CNGA3: variants seen among roughly 807,000 people sequenced by gnomAD.
CNGA3 encodes cyclic nucleotide gated channel subunit alpha 3, also known as cyclic nucleotide-gated channel alpha-3.
Under a neutral mutation model 46.6 loss-of-function variants are expected in CNGA3, and 42 were observed. That is an observed-to-expected ratio of 0.90 (90% CI 0.70 to 1.17). The LOEUF (loss-of-function observed/expected upper bound fraction) is 1.17, where lower values mean the gene tolerates loss of function less well. Ranked by LOEUF, CNGA3 falls within the 50% of genes most tolerant of loss-of-function variation. The pLI, the probability that CNGA3 is intolerant of heterozygous loss-of-function variation, is 0.00. For missense variants in CNGA3, 893 were observed against 890.7 expected (o/e 1.00, Z -0.03); for synonymous variants, 394 against 369.4 (o/e 1.07, Z -0.76).
At chr2:98,365,637 CTGTCT>C (rs1692129897) in intron 1 of CNGA3, among the ~76,000 whole-genome samples, 1 of 151,976 alleles carries the variant, frequency 6.6e-6, no homozygotes, top group African/African-American at 2.4e-5. Flanking sequence ...TCTTGTCTGC[CTGTCT>C]TATTTCAGCA....
chr2:98,397,030 C>G lies in CNGA3; in HGVS notation c.1860C>G (p.Gly620=), dbSNP rs529873704. ...TCGATGAGGAGCTGGCCAGGGCGGG[C>G]GCGGACCCCAAGGACCTTGAGGAGA... ...NLIDEELARA[G]ADPKDLEEKV... is the part of the protein sequence containing the mutation. Residue 620 remains glycine, a synonymous_variant, in exon 8 of 8, where the codon GGC becomes GGG. Coordinates refer to ENST00000272602, the MANE Select transcript of CNGA3 (RefSeq NM_001298.3). 1 of 1,613,938 alleles carries G rather than the reference C, an allele frequency of 6.2e-7. No individual in the cohort carries two copies. The highest frequency in any genetic ancestry group is 2.2e-5 in the East Asian group (1 of 44,870).
intron 1 of CNGA3, among the ~76,000 whole-genome samples, chr2:98,369,498 A>G (rs966913809): frequency 6.6e-6 from 1 of 152,176 alleles, no homozygotes; most frequent in South Asian, 2.1e-4. Context: ...CTTTTTTTAC[A>G]TGTTGTCTTA....
intron 1 of CNGA3, among the ~76,000 whole-genome samples, chr2:98,350,020 G>T (rs1344451487): frequency 6.6e-6 from 1 of 152,230 alleles, no homozygotes; most frequent in Non-Finnish European, 1.5e-5. Flanking sequence ...CCTGAACTCG[G>T]CCTGCACCCG....
Position 98,385,321 on chromosome 2 carries a change from G to A in CNGA3, c.449+1880G>A, listed in dbSNP as rs3769744. Among the ~76,000 whole-genome samples the A allele has an allele frequency of 8.6e-4, 131 of 152,342 alleles. 4 individuals are homozygous for A. The East Asian group carries it at 0.024, about 28-fold the overall frequency. On this transcript the variant is annotated intron_variant, in intron 5 of 7. Transcript: ENST00000272602. ...AGAGACCAGGGTTCACATCACCCTG[G>A]AGGACAGAGGAGGGGTAACTTTCCT...
At chr2:98,395,408 G>A (rs375182350) in intron 7 of CNGA3, among the ~76,000 whole-genome samples, 1 of 152,142 alleles carries the variant, frequency 6.6e-6, no homozygotes, top group East Asian at 1.9e-4. Context: ...GACCTCAGGT[G>A]ATCCACCCGC....
At chr2:98,347,831 T>G (rs1337243214) in intron 1 of CNGA3, among the ~76,000 whole-genome samples, 1 of 152,218 alleles carries the variant, frequency 6.6e-6, no homozygotes, top group Admixed American at 6.5e-5. Flanking sequence ...CCTAACATTA[T>G]GCACTGTCCG....
intron 7 of CNGA3, among the ~76,000 whole-genome samples, chr2:98,393,381 T>C (rs1345017943): frequency 1.3e-5 from 2 of 152,194 alleles, no homozygotes; most frequent in Non-Finnish European, 2.9e-5. Flanking sequence ...GACAAGAAGC[T>C]CAGGTGTGAT....
intron 2 of CNGA3, 61 bp downstream of exon 2, chr2:98,370,137 A>G: frequency 7.4e-7 from 1 of 1,354,686 alleles, no homozygotes; most frequent in Non-Finnish European, 1.0e-6. Flanking sequence ...TCCACAGCTG[A>G]TCTAGACTGT....
intron 5 of CNGA3, among the ~76,000 whole-genome samples, chr2:98,384,153 G>A (rs559351975): frequency 1.3e-5 from 2 of 152,298 alleles, no homozygotes; most frequent in African/African-American, 4.8e-5. Context: ...CCTCCAAAGT[G>A]CTAGGATTAC....
At position 98,346,682 on chromosome 2, in the gene CNGA3, C is replaced by G. The variant is rs1240787115; in HGVS notation, c.-38+148C>G. On this transcript the variant is annotated intron_variant, in intron 1 of 7. Coordinates refer to ENST00000272602, the MANE Select transcript of CNGA3 (RefSeq NM_001298.3). ...CTTCCAGGGGCGGGCGCGGCGCTGT[C>G]CGCAGCCCCCGGTGCTGAAACGGGC... The G allele has an allele frequency of 3.3e-5, 13 of 389,666 alleles. No homozygotes were observed. In the East Asian group the frequency reaches 4.8e-4, roughly 14 times the overall value. The allele number at this position is 389,666 out of a possible 1,614,324, so 24.1% of individuals were successfully genotyped here.
intron 5 of CNGA3, among the ~76,000 whole-genome samples, chr2:98,388,666 C>A (rs1446675761): frequency 1.3e-5 from 2 of 152,246 alleles, no homozygotes; most frequent in African/African-American, 4.8e-5. Context: ...GCTCATGTGC[C>A]CCCCACCCGA....
At chr2:98,359,534 A>G (rs937886701) in intron 1 of CNGA3, among the ~76,000 whole-genome samples, 3 of 152,164 alleles carry the variant, frequency 2.0e-5, no homozygotes, top group Admixed American at 6.5e-5. Flanking sequence ...TGGCAAATAC[A>G]CTGCATTACC....
chr2:98,364,054 C>CTG (rs56255046), intron 1 of CNGA3, among the ~76,000 whole-genome samples: 29,117 of 152,028 alleles, frequency 0.19, 3,183 homozygotes, highest in Non-Finnish European at 0.26. Flanking sequence ...TAATGCCCTT[C>CTG]TGTGTTTTTT....
intron 6 of CNGA3, among the ~76,000 whole-genome samples, chr2:98,390,531 C>T (rs1692760937): frequency 6.6e-6 from 1 of 152,278 alleles, no homozygotes; most frequent in Admixed American, 6.5e-5. Context: ...CGAGATACTG[C>T]TCCTCTTAGG....
chr2:98,380,319 T>C lies in CNGA3; in HGVS notation c.360T>C (p.Asn120=). ...VSSQESNAQA[N]VGSQEPADRG... is the part of the protein sequence containing the mutation. ...GCCAAGAAAGCAATGCCCAGGCAAATGTGGGCAGCCAGGAGCCAGCAGACA... is the reference window on the plus strand; with the variant it reads ...GCCAAGAAAGCAATGCCCAGGCAAACGTGGGCAGCCAGGAGCCAGCAGACA... The change falls in exon 4 of 8, where the codon AAT becomes AAC. Residue 120 remains asparagine (N), a synonymous_variant. Transcript: ENST00000272602. The C allele has an allele frequency of 6.2e-7, 1 of 1,613,586 alleles. No homozygotes were observed. The highest frequency in any genetic ancestry group is 2.2e-5 in the East Asian group (1 of 44,846).
chr2:98,362,460 T>A (rs1324594578), intron 1 of CNGA3, among the ~76,000 whole-genome samples: 3 of 151,954 alleles, frequency 2.0e-5, no homozygotes, highest in African/African-American at 7.2e-5. Flanking sequence ...GGATTACAGA[T>A]GTGAACCACT....
In CNGA3 at chr2:98,396,876, G is replaced by C; in HGVS notation, c.1706G>C (p.Arg569Pro). Reference protein sequence around the residue: ...KSGNRRTANIRSIGYSDLFCL... With the variant: ...KSGNRRTANIPSIGYSDLFCL... ...GGGAACCGCAGGACGGCCAACATCC[G>C]CAGCATTGGCTACTCAGACCTGTTC... The change falls in exon 8 of 8, where the codon CGC (arginine) becomes CCC (proline). Residue 569 changes from arginine (R) to proline (P), a missense_variant. This residue lies in a region of CNGA3 where 548 missense variants were observed against 570.8 expected (regional missense o/e 0.96). Transcript: ENST00000272602. 1 of 1,614,132 alleles carries C rather than the reference G, an allele frequency of 6.2e-7. No homozygotes were observed. Among genetic ancestry groups the C allele is most frequent in the Non-Finnish European group, 8.5e-7 (1 of 1,180,024 alleles).
chr2:98,370,585 G>A (rs1465944952), intron 2 of CNGA3, among the ~76,000 whole-genome samples: 2 of 152,196 alleles, frequency 1.3e-5, no homozygotes, highest in East Asian at 3.8e-4. Flanking sequence ...TGTCAGCCAA[G>A]CCATCAACCC....
At chr2:98,392,225 GTCA>G (rs1692807137) in intron 7 of CNGA3, among the ~76,000 whole-genome samples, 1 of 152,230 alleles carries the variant, frequency 6.6e-6, no homozygotes, top group African/African-American at 2.4e-5. Flanking sequence ...CCTTGAGCAA[GTCA>G]GGCTGTCTCT....
Sources: gnomAD v4.1 joint callset for allele counts (sites outside exome capture counted in the v4.1 genomes callset) on GRCh38, gnomAD v4.1.1 for gene constraint, gnomAD v4.1.1 regional missense constraint, MANE v1.5 for transcripts, NCBI Gene and HGNC (gene_info 2026-07-23, HGNC 2026-07-21) for gene names.